GAB1: variants seen among roughly 807,000 people sequenced by gnomAD.
GAB1 encodes the protein GRB2 associated binding protein 1, also known as GRB2-associated-binding protein 1.
A neutral mutation model predicts 66.5 loss-of-function variants in GAB1; 19 were observed. The observed-to-expected ratio is 0.29, with a 90% CI of 0.20 to 0.42. The LOEUF (loss-of-function observed/expected upper bound fraction) is 0.42, where lower values mean the gene tolerates loss of function less well. GAB1 is among the 10% of genes least tolerant of loss of function. The pLI, the probability that GAB1 is intolerant of heterozygous loss-of-function variation, is 1.00. For synonymous variants in GAB1, 294 were observed against 301.4 expected (o/e 0.98, Z 0.25); for missense variants, 732 against 858.5 (o/e 0.85, Z 1.84).
Position 143,337,055 on chromosome 4 carries a change from C to G in GAB1, c.-134C>G, listed in dbSNP as rs993247808. ...GGAACCCGCGCACCGTGGAGTCTGT[C>G]CGCCCAGTCCGTCCGGGGTGCGCGA... On this transcript the variant is annotated 5_prime_UTR_variant, in exon 1 of 10. Coordinates refer to ENST00000262994, the MANE Select transcript of GAB1 (RefSeq NM_002039.4). 2 of 716,466 alleles carry G rather than the reference C, an allele frequency of 2.8e-6. No homozygotes were observed. Among genetic ancestry groups the G allele is most frequent in the African/African-American group, 1.9e-5 (1 of 54,014 alleles). 44.4% of individuals were successfully genotyped at this position (716,466 alleles called of 1,614,324 possible). A position where few individuals can be genotyped will look rare whatever the true frequency, so the allele number is the denominator to read the frequency against.
chr4:143,438,677 G>A (rs1011061733), intron 4 of GAB1, 77 bp downstream of exon 4: 4 of 1,463,508 alleles, frequency 2.7e-6, no homozygotes, highest in African/African-American at 1.4e-5. Context: ...GTTCTTTTAA[G>A]CGTAGTTAAA....
At chr4:143,365,847 G>A (rs531294727) in intron 1 of GAB1, among the ~76,000 whole-genome samples, 1 of 152,288 alleles carries the variant, frequency 6.6e-6, no homozygotes, top group Admixed American at 6.5e-5. Flanking sequence ...TCCGTTAGTT[G>A]GGGACTACCA....
chr4:143,405,876 A>G (rs1430855703), intron 1 of GAB1, among the ~76,000 whole-genome samples: 1 of 152,162 alleles, frequency 6.6e-6, no homozygotes, highest in Non-Finnish European at 1.5e-5. Flanking sequence ...ACCAAATTCC[A>G]TCTACTCCAA....
At chr4:143,425,438 C>G in intron 2 of GAB1, 1 of 759,678 alleles carries the variant, frequency 1.3e-6, no homozygotes, top group Non-Finnish European at 2.4e-6. Flanking sequence ...TGAAGACCAG[C>G]CTCTCATAGA....
intron 1 of GAB1, among the ~76,000 whole-genome samples, chr4:143,404,265 T>C (rs1227334510): frequency 2.0e-5 from 3 of 152,212 alleles, no homozygotes; most frequent in African/African-American, 4.8e-5. Flanking sequence ...TAGATTGTCA[T>C]TGGCGTATTT....
At chr4:143,458,450 A>G (rs555662295) in intron 6 of GAB1, among the ~76,000 whole-genome samples, 40 of 152,202 alleles carry the variant, frequency 2.6e-4, no homozygotes, top group African/African-American at 9.4e-4. Flanking sequence ...AATAAATCTC[A>G]AAGATGAAAT....
chr4:143,353,799 A>T (rs571870064), intron 1 of GAB1, among the ~76,000 whole-genome samples: 2 of 152,256 alleles, frequency 1.3e-5, no homozygotes, highest in South Asian at 4.1e-4. Context: ...TTTTCCACAT[A>T]CATGCTCTAG....
chr4:143,400,143 A>G (rs1731691078), intron 1 of GAB1, among the ~76,000 whole-genome samples: 1 of 152,052 alleles, frequency 6.6e-6, no homozygotes, highest in Non-Finnish European at 1.5e-5. Context: ...GGGTTTCACC[A>G]TGTTGGCCAG....
chr4:143,409,606 T>G (rs972293245), intron 1 of GAB1, among the ~76,000 whole-genome samples: 2 of 152,108 alleles, frequency 1.3e-5, no homozygotes, highest in Admixed American at 6.5e-5. Context: ...AATAATAGAC[T>G]GTTCCAATCT....
chr4:143,465,734 A>G (rs575516317), intron 8 of GAB1, among the ~76,000 whole-genome samples: 1 of 152,368 alleles, frequency 6.6e-6, no homozygotes, highest in African/African-American at 2.4e-5. Flanking sequence ...AAGCCTTTAG[A>G]TAAAACGTAG....
At position 143,471,834 on chromosome 4, in the gene GAB1, C is replaced by T. The variant is rs1169106489; in HGVS notation, c.*2645C>T. 1 of 152,078 alleles carries T rather than the reference C, an allele frequency of 6.6e-6. No homozygotes were observed. The highest frequency in any genetic ancestry group is 2.4e-5 in the African/African-American group (1 of 41,412). The allele number at this position is 152,078 out of a possible 1,614,324, so 9.4% of individuals were successfully genotyped here. On this transcript the variant is annotated 3_prime_UTR_variant, in exon 10 of 10. Coordinates refer to ENST00000262994, the MANE Select transcript of GAB1 (RefSeq NM_002039.4). ...CAGTGTGGTAAAGTAGGGTATGTAA[C>T]ACATCAGAATGTGCGTTTTTATTAG...
chr4:143,372,177 G>A (rs888326693), intron 1 of GAB1, among the ~76,000 whole-genome samples: 2 of 151,960 alleles, frequency 1.3e-5, no homozygotes, highest in East Asian at 1.9e-4. Context: ...AAAAAAAGAT[G>A]TATCTTGTTC....
rs28925904 is a variant in GAB1 at position 143,438,337 on chromosome 4, C to T, written c.932C>T (p.Pro311Leu). 30,135 of 1,614,010 alleles carry T rather than the reference C, an allele frequency of 0.019. 348 individuals are homozygous for T. Among genetic ancestry groups the T allele is most frequent in the Non-Finnish European group, 0.023 (27,252 of 1,179,908 alleles). The change falls in exon 4 of 10, where the codon CCA becomes CTA. Residue 311 changes from proline (P) to leucine (L), a missense_variant. By Grantham distance (98) the Pro-to-Leu change is moderately conservative. Around this residue, in one of 4 missense-constraint regions of GAB1, gnomAD observed 427 missense variants for 420.6 expected, o/e 1.02. Coordinates refer to ENST00000262994, the MANE Select transcript of GAB1 (RefSeq NM_002039.4). ...GTATCTATTAGTTATGACATTCCTCCAACACCTGGTAATACTTATCAGATT... is the reference window on the plus strand; with the variant it reads ...GTATCTATTAGTTATGACATTCCTCTAACACCTGGTAATACTTATCAGATT... ...RHVSISYDIPPTPGNTYQIPR... is the reference protein window; with the variant it reads ...RHVSISYDIPLTPGNTYQIPR...
At chr4:143,360,938 A>G (rs546883197) in intron 1 of GAB1, among the ~76,000 whole-genome samples, 37 of 152,174 alleles carry the variant, frequency 2.4e-4, no homozygotes, top group Non-Finnish European at 4.4e-4. Flanking sequence ...GTGAGTGCTT[A>G]TTTCCAGTTT....
intron 1 of GAB1, chr4:143,349,272 A>G (rs766206957): frequency 2.8e-5 from 29 of 1,030,392 alleles, no homozygotes; most frequent in Non-Finnish European, 3.8e-5. Context: ...TTGTATAAAA[A>G]CCCTACGTTG....
intron 2 of GAB1, chr4:143,425,117 C>T (rs1169366407): frequency 7.1e-6 from 6 of 841,224 alleles, no homozygotes; most frequent in Non-Finnish European, 1.2e-5. Context: ...CAGCAGGAAC[C>T]CACTTAGGTG....
intron 2 of GAB1, among the ~76,000 whole-genome samples, chr4:143,432,013 A>C (rs1733683737): frequency 6.6e-6 from 1 of 152,222 alleles, no homozygotes; most frequent in East Asian, 1.9e-4. Context: ...GCTTAAATGC[A>C]AGGCTGTGTT....
At position 143,373,887 on chromosome 4, in the gene GAB1, T is replaced by TATATATATAA. The variant is rs1560726049; in HGVS notation, c.72+36627_72+36628insATATATATAA. ...TAAATAAATATATATATATATATAT[T>TATATATATAA]TTTACCTTTCTAACATTGCAGGGAG... On this transcript the variant is annotated intron_variant, in intron 1 of 9. Transcript: ENST00000262994. Among the ~76,000 whole-genome samples the TATATATATAA allele has an allele frequency of 3.1e-5, 3 of 98,270 alleles. No individual in the cohort carries two copies. In the East Asian group the frequency reaches 8.0e-4, roughly 26 times the overall value. 64.5% of individuals were successfully genotyped at this position (98,270 alleles called of 152,430 possible).
intron 1 of GAB1, among the ~76,000 whole-genome samples, chr4:143,361,996 C>A (rs1388933572): frequency 3.3e-5 from 5 of 151,682 alleles, no homozygotes; most frequent in Non-Finnish European, 5.9e-5. Context: ...TGGGCTCAAG[C>A]AATCCCCCCA....
Sources: allele counts gnomAD v4.1 joint callset (sites outside exome capture counted in the v4.1 genomes callset), GRCh38; gene constraint gnomAD v4.1.1; regional missense constraint gnomAD v4.1.1; transcripts MANE v1.5; gene names NCBI Gene and HGNC (gene_info 2026-07-23, HGNC 2026-07-21).